NTPCR: variants seen among roughly 807,000 people sequenced by gnomAD.
NTPCR encodes cancer-related nucleoside-triphosphatase.
NTPCR carries 15 observed loss-of-function variants against 19.5 expected under a neutral mutation model. The ratio of observed to expected loss-of-function variants is 0.77; its 90% confidence interval spans 0.51 to 1.18. The LOEUF is 1.18. Among genes scored for constraint, NTPCR ranks in the 50% most tolerant of loss-of-function variants. NTPCR has a pLI of 0.00. For missense variants in NTPCR, 206 were observed against 240.4 expected, an observed-to-expected ratio of 0.86 and a Z score of 0.95; for synonymous variants, 90 against 95.8, an observed-to-expected ratio of 0.94 and a Z score of 0.36.
chr1:232,958,209 T>C (rs6704443), intron 3 of NTPCR, among the ~76,000 whole-genome samples: 102,010 of 152,108 alleles, frequency 0.67, 36,174 homozygotes, highest in African/African-American at 0.92. Flanking sequence ...CAGAGTTTTC[T>C]ATGGCACCAA....
At position 232,978,279 on chromosome 1, in the gene NTPCR, G is replaced by T; in HGVS notation, c.*48G>T. On this transcript the variant is annotated 3_prime_UTR_variant, in exon 5 of 5. Transcript: ENST00000366628. ...CGTGAAGGAGTGCCCAGTTCAAGAGGAGCCTGATGGAGCCCTGCCTGTCGA... is the reference window on the plus strand; with the variant it reads ...CGTGAAGGAGTGCCCAGTTCAAGAGTAGCCTGATGGAGCCCTGCCTGTCGA... 6.7e-7 allele frequency: 1 copy of T among 1,485,814 alleles called. No individual in the cohort carries two copies. Among genetic ancestry groups the T allele is most frequent in the South Asian group, 1.1e-5 (1 of 87,066 alleles). The allele number at this position is 1,485,814 out of a possible 1,614,324, so 92.0% of individuals were successfully genotyped here.
chr1:232,953,047 A>G (rs944110672), intron 1 of NTPCR, among the ~76,000 whole-genome samples: 3 of 152,174 alleles, frequency 2.0e-5, no homozygotes, highest in Admixed American at 2.0e-4. Flanking sequence ...CAGACAGGAT[A>G]ACTGAGCCAC....
Position 232,979,232 on chromosome 1 carries a change from TCA to T in NTPCR, c.*1002_*1003del, listed in dbSNP as rs1178793688. 1.3e-5 allele frequency: 2 copies of T among 152,180 alleles called. No individual in the cohort carries two copies. Among genetic ancestry groups the T allele is most frequent in the Admixed American group, 6.5e-5 (1 of 15,284 alleles). 9.4% of individuals were successfully genotyped at this position (152,180 alleles called of 1,614,324 possible). On this transcript the variant is annotated 3_prime_UTR_variant, in exon 5 of 5. Transcript: ENST00000366628. This position sits in a 1 kb window ranked among gnomAD's most constrained non-coding sequence, Gnocchi z 5.3. ...AGATGGTACTGGAGTGATAAACAGTTCAGTGTTTTTAGGTCATTTTTGGTGAA... is the reference window on the plus strand; with the variant it reads ...AGATGGTACTGGAGTGATAAACAGTTGTGTTTTTAGGTCATTTTTGGTGAA...
At chr1:232,956,726 A>G (rs1347623594) in intron 3 of NTPCR, among the ~76,000 whole-genome samples, 2 of 152,214 alleles carry the variant, frequency 1.3e-5, no homozygotes, top group Non-Finnish European at 2.9e-5. Flanking sequence ...GTCTTCTCAC[A>G]GTCATGTCTT....
chr1:232,951,542 TA>T (rs1372148280), intron 1 of NTPCR, among the ~76,000 whole-genome samples: 3 of 152,262 alleles, frequency 2.0e-5, no homozygotes, highest in African/African-American at 7.2e-5. Context: ...TCAGATAGGC[TA>T]AAAAAAGATA....
At chr1:232,970,643 T>G (rs1340821685) in intron 4 of NTPCR, among the ~76,000 whole-genome samples, 2 of 152,230 alleles carry the variant, frequency 1.3e-5, no homozygotes, top group Non-Finnish European at 2.9e-5. Context: ...TCTGCATTGC[T>G]CAGAACAGTA....
intron 3 of NTPCR, chr1:232,965,286 T>C (rs1668783879): frequency 6.6e-6 from 1 of 152,194 alleles, no homozygotes; most frequent in Non-Finnish European, 1.5e-5. Context: ...TGTGGAGGCG[T>C]ATTGCACACA....
chr1:232,950,877 G>T, intron 1 of NTPCR, 133 bp downstream of exon 1: 2 of 610,092 alleles, frequency 3.3e-6, no homozygotes, highest in Middle Eastern at 2.6e-4. Context: ...TTTAAATGGC[G>T]GGCTTGGTAG....
chr1:232,956,842 C>T (rs1046193557), intron 3 of NTPCR, among the ~76,000 whole-genome samples: 4 of 152,070 alleles, frequency 2.6e-5, no homozygotes, highest in South Asian at 2.1e-4. Flanking sequence ...AAGCAGTTAA[C>T]GTATTATATT....
chr1:232,974,356 C>G (rs925522604), intron 4 of NTPCR, among the ~76,000 whole-genome samples: 3 of 152,146 alleles, frequency 2.0e-5, no homozygotes, highest in Non-Finnish European at 4.4e-5. Flanking sequence ...AAAGGAAGTT[C>G]TCTTATCAGA....
chr1:232,980,537 T>C lies in NTPCR; in HGVS notation c.*2306T>C, dbSNP rs1265653171. On this transcript the variant is annotated 3_prime_UTR_variant, in exon 5 of 5. Coordinates refer to ENST00000366628, the MANE Select transcript of NTPCR (RefSeq NM_032324.3). The stretch of plus-strand genomic sequence containing the variant: ...AAAGAACGTTTAGTGTCTCTTGTGG[T>C]GAGGTCCTGAAATGATTGTTGTATT... 1.3e-5 allele frequency: 2 copies of C among 152,182 alleles called. No individual in the cohort carries two copies. Among genetic ancestry groups the C allele is most frequent in the Admixed American group, 6.5e-5 (1 of 15,284 alleles). The allele number at this position is 152,182 out of a possible 1,614,324, so 9.4% of individuals were successfully genotyped here. A position where few individuals can be genotyped will look rare whatever the true frequency, so the allele number is the denominator to read the frequency against.
intron 4 of NTPCR, among the ~76,000 whole-genome samples, chr1:232,974,648 G>A (rs1423247425): frequency 6.6e-6 from 1 of 152,196 alleles, no homozygotes; most frequent in East Asian, 1.9e-4. Context: ...AATTGGTGAT[G>A]GAGTATTTTT....
chr1:232,961,709 C>G (rs12027562), intron 3 of NTPCR, among the ~76,000 whole-genome samples: 1 of 151,840 alleles, frequency 6.6e-6, no homozygotes, highest in African/African-American at 2.4e-5. Context: ...TATATTTCTT[C>G]TTCTGCATGC....
chr1:232,963,017 T>C (rs1668709684), intron 3 of NTPCR: 1 of 152,210 alleles, frequency 6.6e-6, no homozygotes, highest in Non-Finnish European at 1.5e-5. Context: ...TCTTGAAAGA[T>C]TGACAAGCTC....
chr1:232,973,519 A>C (rs922180144), intron 4 of NTPCR, among the ~76,000 whole-genome samples: 1 of 152,240 alleles, frequency 6.6e-6, no homozygotes, highest in African/African-American at 2.4e-5. Context: ...CACAACTGAA[A>C]ATCATTTGTC....
chr1:232,950,964 A>AT, intron 1 of NTPCR: 1 of 520,990 alleles, frequency 1.9e-6, no homozygotes. Flanking sequence ...CACACTTGTG[A>AT]GGGGGTCCTA....
In NTPCR at chr1:232,955,542, T is replaced by C; in HGVS notation, c.35-15T>C. 1 of 1,490,988 alleles carries C rather than the reference T, an allele frequency of 6.7e-7. No individual in the cohort carries two copies. The highest frequency in any genetic ancestry group is 8.9e-7 in the Non-Finnish European group (1 of 1,128,274). 92.4% of individuals were successfully genotyped at this position (1,490,988 alleles called of 1,614,324 possible). On this transcript the variant is annotated splice_polypyrimidine_tract_variant and intron_variant, in intron 1 of 4. Coordinates refer to ENST00000366628, the MANE Select transcript of NTPCR (RefSeq NM_032324.3). ...ATGGGCTTTTCTTCTTTTTTTTTTT[T>C]TTTTTTTATTTTAGGAGTTGGAAAA...
intron 4 of NTPCR, 72 bp from the exon 5 acceptor site, chr1:232,978,091 G>C (rs1186295024): frequency 8.2e-6 from 11 of 1,348,194 alleles, no homozygotes; most frequent in East Asian, 2.3e-5. Context: ...GTTTCTTTTA[G>C]AGAGTTACCT....
chr1:232,953,910 G>A (rs1668444209), intron 1 of NTPCR, among the ~76,000 whole-genome samples: 1 of 152,100 alleles, frequency 6.6e-6, no homozygotes, highest in Non-Finnish European at 1.5e-5. Flanking sequence ...TATACATGGT[G>A]CCATGAGTTA....
Sources: allele counts gnomAD v4.1 joint callset (sites outside exome capture counted in the v4.1 genomes callset), GRCh38; gene constraint gnomAD v4.1.1; non-coding constraint Gnocchi (gnomAD v3.1); transcripts MANE v1.5; gene names NCBI Gene and HGNC (gene_info 2026-07-23, HGNC 2026-07-21).